Variants in KNOP1 observed in about 807,000 individuals in gnomAD.
The protein encoded by KNOP1 is lysine-rich nucleolar protein 1.
Under a neutral mutation model 30.6 loss-of-function variants are expected in KNOP1, and 20 were observed. The ratio of observed to expected loss-of-function variants is 0.65; its 90% confidence interval spans 0.46 to 0.95. The LOEUF (loss-of-function observed/expected upper bound fraction) is 0.95, where lower values mean the gene tolerates loss of function less well. Among genes scored for constraint, KNOP1 ranks in the 40% least tolerant of loss-of-function variants. The probability of loss-of-function intolerance (pLI) is 0.00; values close to 1 mark genes in which losing one functional copy is unlikely to be tolerated. For missense variants in KNOP1, 540 were observed against 562.0 expected, an observed-to-expected ratio of 0.96 and a Z score of 0.40; for synonymous variants, 204 against 210.0, an observed-to-expected ratio of 0.97 and a Z score of 0.25.
In KNOP1 at chr16:19,714,348, T is replaced by C. The variant is rs762654346; in HGVS notation, c.688A>G (p.Lys230Glu). The change falls in exon 2 of 5, where the codon AAG becomes GAG. Residue 230 changes from lysine to glutamate, a missense_variant. Physicochemically the swap from Lys to Glu is moderately conservative, Grantham distance 56. Transcript: ENST00000219837. ...QEGDALPGHSKPSRSMESSPR... is the reference protein window; with the variant it reads ...QEGDALPGHSEPSRSMESSPR... The stretch of plus-strand genomic sequence containing the variant: ...CTGCTCTCCATGGACCTGGAGGGCT[T>C]GGAGTGGCCTGGGAGGGCATCTCCC... The C allele has an allele frequency of 1.4e-5, 22 of 1,613,924 alleles. No individual in the cohort carries two copies. Among genetic ancestry groups the C allele is most frequent in the Non-Finnish European group, 1.8e-5 (21 of 1,179,986 alleles).
Position 19,711,452 on chromosome 16 carries a change from G to A in KNOP1, c.919-12C>T. ...TCCGTGTCTGTTTCCTGCAGGAGAGGGCAGAGCTGGCTAAGGTTCAAGTTT... is the reference window on the plus strand; with the variant it reads ...TCCGTGTCTGTTTCCTGCAGGAGAGAGCAGAGCTGGCTAAGGTTCAAGTTT... On this transcript the variant is annotated splice_polypyrimidine_tract_variant and intron_variant, in intron 2 of 4. Coordinates refer to ENST00000219837, the MANE Select transcript of KNOP1 (RefSeq NM_001012991.3). 6.2e-7 allele frequency: 1 copy of A among 1,613,724 alleles called. No individual in the cohort carries two copies. The highest frequency in any genetic ancestry group is 8.5e-7 in the Non-Finnish European group (1 of 1,179,744).
At chr16:19,717,575 A>G (rs1437925785) in intron 1 of KNOP1, 1 of 985,356 alleles carries the variant, frequency 1.0e-6, no homozygotes, top group Non-Finnish European at 1.2e-6. Context: ...AAAGTATAGC[A>G]TCCTCCTCTT....
chr16:19,715,087 C>A, intron 1 of KNOP1, 50 bp from the exon 2 acceptor site: 1 of 1,356,604 alleles, frequency 7.4e-7, no homozygotes, highest in South Asian at 1.5e-5. Flanking sequence ...ATCCTGTGTT[C>A]AATTCTACTA....
chr16:19,716,044 C>T (rs1977046028), intron 1 of KNOP1, among the ~76,000 whole-genome samples: 2 of 152,228 alleles, frequency 1.3e-5, no homozygotes, highest in African/African-American at 4.8e-5. Flanking sequence ...AGAGGGTCCA[C>T]ACTGGAGCTG....
intron 2 of KNOP1, among the ~76,000 whole-genome samples, chr16:19,713,860 T>C (rs965316674): frequency 1.3e-5 from 2 of 152,160 alleles, no homozygotes; most frequent in African/African-American, 4.8e-5. Flanking sequence ...GTGGTTTCAG[T>C]AGCAAAGGAT....
In KNOP1 at chr16:19,706,513, C is replaced by G. The variant is rs1024480588; in HGVS notation, c.*397G>C. ...TCCCTAGTACCTGCTAAACACTCAA[C>G]AAAAGTTAACTGTACATACTGATGT... On this transcript the variant is annotated 3_prime_UTR_variant, in exon 5 of 5. Transcript: ENST00000219837. The G allele has an allele frequency of 5.0e-6, 1 of 198,030 alleles. No homozygotes were observed. The highest frequency in any genetic ancestry group is 1.0e-5 in the Non-Finnish European group (1 of 99,058). 12.3% of individuals were successfully genotyped at this position (198,030 alleles called of 1,614,324 possible).
chr16:19,707,976 C>A (rs1216593952), intron 4 of KNOP1, among the ~76,000 whole-genome samples: 1 of 137,948 alleles, frequency 7.2e-6, no homozygotes, highest in Admixed American at 7.3e-5. Context: ...CACCTCCCTA[C>A]ACAGCGCACC....
rs1251366449 is a variant in KNOP1 at position 19,705,624 on chromosome 16, T to TGGCTCACA, written c.*1278_*1285dup. On this transcript the variant is annotated 3_prime_UTR_variant, in exon 5 of 5. Transcript: ENST00000219837. ...GACACATCCCTGGGGCTGGGCACAG[T>TGGCTCACA]GGCTCACACCTGTGATCCCAGCTCT... The TGGCTCACA allele has an allele frequency of 8.4e-6, 2 of 239,218 alleles. No homozygotes were observed. The highest frequency in any genetic ancestry group is 4.6e-5 in the African/African-American group (2 of 43,926). 14.8% of individuals were successfully genotyped at this position (239,218 alleles called of 1,614,324 possible). A position where few individuals can be genotyped will look rare whatever the true frequency, so the allele number is the denominator to read the frequency against.
intron 3 of KNOP1, 75 bp downstream of exon 3, chr16:19,711,297 C>G (rs1976706115): frequency 6.8e-7 from 1 of 1,480,086 alleles, no homozygotes; most frequent in Admixed American, 1.7e-5. Context: ...ACCTAGCCAG[C>G]CTGGCAGGCA....
intron 4 of KNOP1, among the ~76,000 whole-genome samples, chr16:19,708,308 G>A (rs1403388489): frequency 6.6e-6 from 1 of 151,922 alleles, no homozygotes; most frequent in Non-Finnish European, 1.5e-5. Context: ...AGAAAATGCA[G>A]GAGAGCCCTC....
At position 19,717,685 on chromosome 16, in the gene KNOP1, T is replaced by C. The variant is rs185422218; in HGVS notation, c.-3+473A>G. Reference sequence around the variant, plus strand: ...CAAACGCTTTCTCCAAAACCGCTTTTAAATTCCAGGGACAGCCTTGTGAAG... The same window carrying C: ...CAAACGCTTTCTCCAAAACCGCTTTCAAATTCCAGGGACAGCCTTGTGAAG... On this transcript the variant is annotated intron_variant, in intron 1 of 4. Transcript: ENST00000219837. The C allele has an allele frequency of 1.0e-4, 102 of 986,304 alleles. No homozygotes were observed. The African/African-American group carries it at 1.6e-3, about 16-fold the overall frequency. 61.1% of individuals were successfully genotyped at this position (986,304 alleles called of 1,614,324 possible). A position where few individuals can be genotyped will look rare whatever the true frequency, so the allele number is the denominator to read the frequency against.
chr16:19,714,659 G>C lies in KNOP1; in HGVS notation c.377C>G (p.Ala126Gly), dbSNP rs1567519953. ...GTCTGGGGAGGTTTTCACCCCAGAG[G>C]CATGGGACATGGCTAGAGGTGACTT... ...NKKSPLAMSH[A>G]SGVKTSPDPR... The change falls in exon 2 of 5, where the codon GCC (alanine) becomes GGC (glycine). Residue 126 changes from alanine (A) to glycine (G), a missense_variant. By Grantham distance (60) the Ala-to-Gly change is moderately conservative (BLOSUM62 0). Transcript: ENST00000219837. 1.2e-6 allele frequency: 2 copies of C among 1,613,940 alleles called. No individual in the cohort carries two copies. Among genetic ancestry groups the C allele is most frequent in the Non-Finnish European group, 1.7e-6 (2 of 1,180,014 alleles).
chr16:19,718,062 G>A, intron 1 of KNOP1, 96 bp downstream of exon 1: 1 of 1,419,180 alleles, frequency 7.0e-7, no homozygotes, highest in East Asian at 2.6e-5. Flanking sequence ...AGGGATGTGG[G>A]TGGACCGCAT....
chr16:19,716,986 G>A (rs1447162589), intron 1 of KNOP1, among the ~76,000 whole-genome samples: 1 of 152,168 alleles, frequency 6.6e-6, no homozygotes, highest in Non-Finnish European at 1.5e-5. Flanking sequence ...GGGATTACAG[G>A]CACATACCAC....
Position 19,714,873 on chromosome 16 carries a change from G to C in KNOP1, c.163C>G (p.His55Asp), listed in dbSNP as rs762340026. The C allele has an allele frequency of 2.1e-5, 34 of 1,613,568 alleles. No individual in the cohort carries two copies. The highest frequency in any genetic ancestry group is 1.6e-5 in the Non-Finnish European group (19 of 1,179,932). The change falls in exon 2 of 5, where the codon CAT (histidine) becomes GAT (aspartate). Residue 55 changes from histidine to aspartate, a missense_variant. Coordinates refer to ENST00000219837, the MANE Select transcript of KNOP1 (RefSeq NM_001012991.3). ...AGAGGCATCTCAGGTGCCTGCCCAT[G>C]GGCCACACTCTTAGAGGGGGATGTA... ...RATSPSKSVA[H>D]GQAPEMPLVK...
rs906365199 is a variant in KNOP1 at position 19,702,910 on chromosome 16, G to A, written c.*4000C>T. 4.6e-5 allele frequency: 7 copies of A among 151,834 alleles called. No homozygotes were observed. Among genetic ancestry groups the A allele is most frequent in the African/African-American group, 7.3e-5 (3 of 41,252 alleles). 9.4% of individuals were successfully genotyped at this position (151,834 alleles called of 1,614,324 possible). ...CTCAGGAGGCTGAGGCAGGAGAATC[G>A]CTTGAACCCTGGAGGTGGAGGTTGC... On this transcript the variant is annotated 3_prime_UTR_variant, in exon 5 of 5. Transcript: ENST00000219837.
chr16:19,712,433 A>T (rs1976769281), intron 2 of KNOP1, among the ~76,000 whole-genome samples: 1 of 152,152 alleles, frequency 6.6e-6, no homozygotes, highest in Admixed American at 6.5e-5. Flanking sequence ...TAATGGAAAG[A>T]TGGTCATTTC....
At chr16:19,717,910 G>T (rs1977267162) in intron 1 of KNOP1, 3 of 1,095,958 alleles carry the variant, frequency 2.7e-6, no homozygotes, top group Non-Finnish European at 2.2e-6. Flanking sequence ...TACCTCCAAG[G>T]CTCCCATGGG....
At chr16:19,710,652 G>A in intron 3 of KNOP1, 66 bp from the exon 4 acceptor site, 1 of 1,339,586 alleles carries the variant, frequency 7.5e-7, no homozygotes, top group Admixed American at 1.7e-5. Flanking sequence ...TAAAACCCAG[G>A]ACAGAGACGG....
Sources: gnomAD v4.1 joint callset for allele counts (sites outside exome capture counted in the v4.1 genomes callset) on GRCh38, gnomAD v4.1.1 for gene constraint, MANE v1.5 for transcripts, NCBI Gene and HGNC (gene_info 2026-07-23, HGNC 2026-07-21) for gene names.